Variants in DNAH11 observed in about 807,000 individuals in gnomAD.
The protein encoded by DNAH11 is axonemal beta dynein heavy chain 11.
In DNAH11, 442 loss-of-function variants were observed where a neutral mutation model predicts 526.0. That is an observed-to-expected ratio of 0.84 (90% CI 0.78 to 0.91). The LOEUF is 0.91. DNAH11 is among the 40% of genes least tolerant of loss of function. The pLI is 0.00. For missense variants in DNAH11, 6,989 were observed against 5,448.7 expected (o/e 1.28, Z -8.90); for synonymous variants, 2,461 against 1,935.9 (o/e 1.27, Z -7.12).
chr7:21,653,229 G>A (rs1781866242), intron 28 of DNAH11, among the ~76,000 whole-genome samples: 1 of 152,136 alleles, frequency 6.6e-6, no homozygotes, highest in Non-Finnish European at 1.5e-5. Flanking sequence ...AGCTCACTGG[G>A]AAGAAGGAAT....
chr7:21,808,057 C>G lies in DNAH11; in HGVS notation c.10332+8C>G, dbSNP rs761592208. Reference sequence around the variant, plus strand: ...CCCTTTCTTCAACAGAAGGTAAGTTCAGTTCCTTACCTTGTCAGCAGGTAG... The same window carrying G: ...CCCTTTCTTCAACAGAAGGTAAGTTGAGTTCCTTACCTTGTCAGCAGGTAG... On this transcript the variant is annotated splice_region_variant and intron_variant, in intron 63 of 81. Transcript: ENST00000409508. 2.8e-5 allele frequency: 42 copies of G among 1,487,420 alleles called. No homozygotes were observed. The highest frequency in any genetic ancestry group is 7.9e-5 in the Admixed American group (4 of 50,350). 92.1% of individuals were successfully genotyped at this position (1,487,420 alleles called of 1,614,324 possible).
chr7:21,716,769 A>T (rs1232188932), intron 42 of DNAH11, among the ~76,000 whole-genome samples: 1 of 152,194 alleles, frequency 6.6e-6, no homozygotes, highest in Non-Finnish European at 1.5e-5. Context: ...ATGCAATTGG[A>T]CTTCTGCTGA....
Position 21,570,080 on chromosome 7 carries a change from C to A in DNAH11, c.1206C>A (p.Tyr402Ter). The A allele has an allele frequency of 6.2e-7, 1 of 1,605,870 alleles. No individual in the cohort carries two copies. The highest frequency in any genetic ancestry group is 8.5e-7 in the Non-Finnish European group (1 of 1,176,138). ...TCATTAAATCCTAGGCAACAGCTTA[C>A]CTTTCACCTGAGGACCTTTTGAGGG... ...CNLFINQATAYLSPEDLLRGE... is the reference protein window; with the variant it reads ...CNLFINQATA Residue 402 changes from tyrosine (Y) to a stop codon, truncating the protein, a stop_gained, in exon 7 of 82, where the codon TAC becomes TAA. Transcript: ENST00000409508. LOFTEE classifies it high-confidence loss of function.
At chr7:21,595,587 A>T (rs11768411) in intron 14 of DNAH11, among the ~76,000 whole-genome samples, 23,130 of 152,202 alleles carry the variant, frequency 0.15, 1,782 homozygotes, top group East Asian at 0.2. Context: ...ATCTATTCAG[A>T]TGGGGAAGGG....
At position 21,543,457 on chromosome 7, in the gene DNAH11, G is replaced by A. The variant is rs771623831; in HGVS notation, c.212G>A (p.Gly71Glu). The A allele has an allele frequency of 2.5e-6, 4 of 1,575,058 alleles. No homozygotes were observed. Among genetic ancestry groups the A allele is most frequent in the Middle Eastern group, 1.7e-4 (1 of 6,036 alleles). ...GGCGGCCGCCTGGCGATGATGCTGG[G>A]GTTCACGGAGGAGAAATGGAGCCAG... ...FLGGRLAMMLGFTEEKWSQYL... is the reference protein window; with the variant it reads ...FLGGRLAMMLEFTEEKWSQYL... The change falls in exon 1 of 82, where the codon GGG becomes GAG. Residue 71 changes from glycine to glutamate, a missense_variant. Gly to Glu is a moderately conservative substitution (Grantham distance 98). Transcript: ENST00000409508.
intron 11 of DNAH11, 93 bp downstream of exon 11, chr7:21,588,729 A>C (rs563547658): frequency 4.9e-6 from 7 of 1,434,534 alleles, no homozygotes; most frequent in Admixed American, 1.7e-5. Context: ...AGCACTTAGG[A>C]AGCCATTGCC....
Position 21,776,935 on chromosome 7 carries a change from C to CAT in DNAH11, c.9337-2023_9337-2022insAT, listed in dbSNP as rs1491382035. 3.3e-5 allele frequency among the ~76,000 whole-genome samples: 5 copies of CAT among 149,688 alleles called. No homozygotes were observed. The Admixed American group carries it at 3.3e-4, about 10-fold the overall frequency. On this transcript the variant is annotated intron_variant, in intron 56 of 81. Coordinates refer to ENST00000409508, the MANE Select transcript of DNAH11 (RefSeq NM_001277115.2). ...ATTCAGATTTCCAGTTTTATTTGTA[C>CAT]GTGTGTGTGTGTGTGTGTGTGTGTG...
rs777354290 is a variant in DNAH11 at position 21,864,531 on chromosome 7, C to G, written c.11374-4C>G. The G allele has an allele frequency of 3.7e-6, 6 of 1,610,374 alleles. No homozygotes were observed. The highest frequency in any genetic ancestry group is 1.3e-5 in the African/African-American group (1 of 74,794). ...AATCCTTTTCAATTTTGTCTACTCT[C>G]AAGATTTTGTTGAGAAAGAAAGAGA... On this transcript the variant is annotated splice_polypyrimidine_tract_variant and splice_region_variant and intron_variant, in intron 69 of 81. Transcript: ENST00000409508.
chr7:21,879,512 A>G (rs546828456), intron 74 of DNAH11, among the ~76,000 whole-genome samples: 1 of 152,178 alleles, frequency 6.6e-6, no homozygotes, highest in Non-Finnish European at 1.5e-5. Context: ...CCAATTTTCC[A>G]TATATCACCC....
At chr7:21,576,024 C>T (rs1309458531) in intron 8 of DNAH11, among the ~76,000 whole-genome samples, 2 of 152,062 alleles carry the variant, frequency 1.3e-5, no homozygotes, top group Non-Finnish European at 2.9e-5. Flanking sequence ...GTACTTTTCC[C>T]TACTGCTCCC....
Position 21,765,436 on chromosome 7 carries a change from G to A in DNAH11, c.8949G>A (p.Leu2983=). The change falls in exon 55 of 82, where the codon TTG becomes TTA. Residue 2983 remains leucine, a synonymous_variant. Transcript: ENST00000409508. The stretch of plus-strand genomic sequence containing the variant: ...CCCCCATGTCTCCACAGATCATTTT[G>A]TGTTTCTCTCCAGTTGGTCGCACGC... ...ARVRLQLKII[L]CFSPVGRTLR... 8 of 1,613,700 alleles carry A rather than the reference G, an allele frequency of 5.0e-6. No homozygotes were observed. The highest frequency in any genetic ancestry group is 6.8e-6 in the Non-Finnish European group (8 of 1,179,744).
intron 62 of DNAH11, among the ~76,000 whole-genome samples, chr7:21,801,564 A>G (rs1255819257): frequency 6.6e-6 from 1 of 152,204 alleles, no homozygotes; most frequent in African/African-American, 2.4e-5. Context: ...CTTTAAGACA[A>G]TGGAGTACAT....
intron 61 of DNAH11, among the ~76,000 whole-genome samples, chr7:21,793,027 C>G (rs536982668): frequency 1.3e-5 from 2 of 152,228 alleles, no homozygotes; most frequent in East Asian, 3.9e-4. Context: ...GTAAGCTTCT[C>G]TCCTAGTATT....
chr7:21,637,672 T>C lies in DNAH11; in HGVS notation c.4787T>C (p.Leu1596Pro), dbSNP rs1172288576. Residue 1596 changes from leucine to proline, a missense_variant, in exon 27 of 82, where the codon CTC becomes CCC. Physicochemically the swap from Leu to Pro is moderately conservative, Grantham distance 98 (BLOSUM62 -3). Transcript: ENST00000409508. ...NVLEATCRPN[L>P]YEKLKDLQSR... ...TTAGAAGCAACGTGCAGACCTAATC[T>C]CTATGAAAAACTTAAAGATTTACAG... The C allele has an allele frequency of 1.9e-6, 3 of 1,574,442 alleles. No homozygotes were observed. The highest frequency in any genetic ancestry group is 2.4e-5 in the South Asian group (2 of 83,886).
In DNAH11 at chr7:21,543,075, T is replaced by C; in HGVS notation, c.-171T>C. The C allele has an allele frequency of 2.9e-6, 4 of 1,368,406 alleles. No homozygotes were observed. The highest frequency in any genetic ancestry group is 3.8e-6 in the Non-Finnish European group (4 of 1,050,886). 84.8% of individuals were successfully genotyped at this position (1,368,406 alleles called of 1,614,324 possible). On this transcript the variant is annotated 5_prime_UTR_variant, in exon 1 of 82. Transcript: ENST00000409508. ...TCGCTTCGGCCTGCGAGGCTACAGC[T>C]GTGCGCAGTGGCGCGGCTGCTAAGT...
intron 64 of DNAH11, 52 bp downstream of exon 64, chr7:21,816,754 T>G (rs561378166): frequency 6.6e-7 from 1 of 1,504,134 alleles, no homozygotes; most frequent in Admixed American, 1.8e-5. Flanking sequence ...GTGAAGTGGG[T>G]CTGATTTTTA....
chr7:21,710,362 G>A (rs1395236937), intron 40 of DNAH11, among the ~76,000 whole-genome samples, 191 bp from the exon 41 acceptor site: 2 of 152,142 alleles, frequency 1.3e-5, no homozygotes, highest in Non-Finnish European at 2.9e-5. Context: ...CCTTCTCAGT[G>A]AGGTGAAACT....
chr7:21,693,206 T>C (rs567138093), intron 35 of DNAH11, among the ~76,000 whole-genome samples: 49 of 152,212 alleles, frequency 3.2e-4, no homozygotes, highest in Non-Finnish European at 4.0e-4. Context: ...TTATAAGCTT[T>C]GTTGTTCTAT....
chr7:21,713,285 T>G (rs894177511), intron 42 of DNAH11, among the ~76,000 whole-genome samples: 4 of 152,172 alleles, frequency 2.6e-5, no homozygotes, highest in Non-Finnish European at 5.9e-5. Context: ...TCTTCTGTGG[T>G]CTGTATGGAC....
Sources: allele counts gnomAD v4.1 joint callset (sites outside exome capture counted in the v4.1 genomes callset), GRCh38; gene constraint gnomAD v4.1.1; transcripts MANE v1.5; gene names NCBI Gene and HGNC (gene_info 2026-07-23, HGNC 2026-07-21).